The following SMG1 variants were observed in gnomAD, a reference collection of about 807,000 sequenced individuals.
The protein encoded by SMG1 is SMG1 nonsense mediated mRNA decay associated PI3K related kinase.
A neutral mutation model predicts 419.9 loss-of-function variants in SMG1; 22 were observed. The observed-to-expected ratio is 0.05, with a 90% CI of 0.04 to 0.07. The LOEUF is 0.07. Among genes scored for constraint, SMG1 ranks in the 10% least tolerant of loss-of-function variants. SMG1 has a pLI of 1.00. For synonymous variants in SMG1, 1,538 were observed against 1,553.5 expected, an observed-to-expected ratio of 0.99 and a Z score of 0.23; for missense variants, 3,185 against 4,342.0, an observed-to-expected ratio of 0.73 and a Z score of 7.49.
At chr16:18,884,293 T>G in intron 8 of SMG1, 126 bp from the exon 9 acceptor site, 1 of 486,080 alleles carries the variant, frequency 2.1e-6, no homozygotes, top group South Asian at 4.1e-5. Flanking sequence ...CCCTAAAACA[T>G]GTCCTATATC....
intron 1 of SMG1, among the ~76,000 whole-genome samples, chr16:18,924,679 A>G (rs911891391): frequency 2.0e-5 from 3 of 152,208 alleles, no homozygotes; most frequent in Non-Finnish European, 4.4e-5. Flanking sequence ...TTTTACGACT[A>G]AACATCTCAA....
At chr16:18,854,082 CTTT>C (rs11448105) in intron 30 of SMG1, among the ~76,000 whole-genome samples, 2 of 84,010 alleles carry the variant, frequency 2.4e-5, no homozygotes. Context: ...AAATACTAAA[CTTT>C]TTTTTTTTTT....
At chr16:18,873,828 A>G (rs1297821549) in intron 13 of SMG1, among the ~76,000 whole-genome samples, 14 of 152,068 alleles carry the variant, frequency 9.2e-5, no homozygotes, top group Non-Finnish European at 4.4e-5. Context: ...TTTCCTTTAC[A>G]CTGCCAAGAC....
At chr16:18,864,187 CTT>C (rs748193551) in intron 23 of SMG1, 43 bp from the exon 24 acceptor site, 33,964 of 576,860 alleles carry the variant, frequency 0.059, 122 homozygotes, top group Middle Eastern at 0.082. Context: ...TATCTACTTA[CTT>C]TTTTTTTTTT....
At chr16:18,850,185 T>G in intron 34 of SMG1, 52 bp downstream of exon 34, 1 of 1,584,320 alleles carries the variant, frequency 6.3e-7, no homozygotes, top group East Asian at 2.3e-5. Flanking sequence ...TACTTTTGTT[T>G]AATAAGAAAA....
rs779197418 is a variant in SMG1, at chr16:18,847,615, C to G, written c.5842-8G>C. The G allele has an allele frequency of 1.2e-6, 2 of 1,613,868 alleles. No individual in the cohort carries two copies. Among genetic ancestry groups the G allele is most frequent in the Non-Finnish European group, 1.7e-6 (2 of 1,179,832 alleles). On this transcript the variant is annotated splice_polypyrimidine_tract_variant and splice_region_variant and intron_variant, in intron 37 of 62. Transcript: ENST00000446231. ...AGCCACGAGCATCTGAACCTGCATA[C>G]ACAGCACACCCAAATAGCTCATCTA... is the stretch of plus-strand genomic sequence containing the variant.
intron 1 of SMG1, among the ~76,000 whole-genome samples, chr16:18,914,387 T>C (rs1169190869): frequency 6.6e-6 from 1 of 152,066 alleles, no homozygotes; most frequent in Non-Finnish European, 1.5e-5. Context: ...AGAAATCTGT[T>C]GATTCTAGGC....
At chr16:18,895,906 G>C (rs1027564184) in intron 3 of SMG1, 146 bp downstream of exon 3, 8 of 787,288 alleles carry the variant, frequency 1.0e-5, no homozygotes, top group Non-Finnish European at 1.7e-5. Context: ...CCTTTCTAGT[G>C]GGAAATGAAT....
At chr16:18,914,403 G>A (rs1414979272) in intron 1 of SMG1, among the ~76,000 whole-genome samples, 1 of 152,118 alleles carries the variant, frequency 6.6e-6, no homozygotes, top group Admixed American at 6.5e-5. Flanking sequence ...TAGGCCAGGT[G>A]TGGTGGCTCA....
intron 1 of SMG1, among the ~76,000 whole-genome samples, chr16:18,917,096 C>A (rs1457905442): frequency 6.6e-6 from 1 of 151,988 alleles, no homozygotes; most frequent in African/African-American, 2.4e-5. Context: ...GGGGCTTTTG[C>A]TTATGGAAAT....
At chr16:18,843,213 G>GA (rs1188301368) in intron 39 of SMG1, among the ~76,000 whole-genome samples, 4 of 152,112 alleles carry the variant, frequency 2.6e-5, no homozygotes, top group African/African-American at 7.2e-5. Flanking sequence ...TAAATTACAA[G>GA]AAAAAATGAG....
intron 58 of SMG1, chr16:18,816,079 T>C (rs971148222): frequency 1.8e-6 from 1 of 552,554 alleles, no homozygotes; most frequent in Non-Finnish European, 3.2e-6. Context: ...AATAAAGGAA[T>C]CTAATTAAGC....
At chr16:18,819,007 C>T (rs1315879090) in intron 56 of SMG1, among the ~76,000 whole-genome samples, 4 of 152,048 alleles carry the variant, frequency 2.6e-5, no homozygotes, top group Non-Finnish European at 5.9e-5. Flanking sequence ...TTAGCAGAGA[C>T]GGGGTTTCAC....
At chr16:18,885,815 T>A (rs974817022) in intron 6 of SMG1, 149 bp from the exon 7 acceptor site, 114 of 660,280 alleles carry the variant, frequency 1.7e-4, no homozygotes, top group Non-Finnish European at 2.2e-4. Context: ...AAAAAAAAAA[T>A]TGACTTGTAA....
Position 18,829,351 on chromosome 16 carries a change from C to T in SMG1, c.9538G>A (p.Glu3180Lys). The T allele has an allele frequency of 6.2e-7, 1 of 1,614,008 alleles. No homozygotes were observed. Among genetic ancestry groups the T allele is most frequent in the Non-Finnish European group, 8.5e-7 (1 of 1,179,898 alleles). The stretch of plus-strand genomic sequence containing the variant: ...GTCTTACAAGAAGAAATACTGGTTT[C>T]TAGCCTTCGCACCAAGTCATGCTTC... ...WKKHDLVRRLETSISSCKTSL... is the reference protein window; with the variant it reads ...WKKHDLVRRLKTSISSCKTSL... Residue 3180 changes from glutamate to lysine, a missense_variant, in exon 54 of 63, where the codon GAA (glutamate) becomes AAA (lysine). Physicochemically the swap from Glu to Lys is moderately conservative, Grantham distance 56. Transcript: ENST00000446231.
Position 18,882,159 on chromosome 16 carries a change from A to G in SMG1, c.1293+6T>C. 1 of 1,550,700 alleles carries G rather than the reference A, an allele frequency of 6.4e-7. No homozygotes were observed. The highest frequency in any genetic ancestry group is 8.7e-7 in the Non-Finnish European group (1 of 1,150,208). ...AATGACACTTGAAATGCCCAAAAGC[A>G]CTTACATCTGTTACATATGCCTCAG... On this transcript the variant is annotated splice_donor_region_variant and intron_variant, in intron 10 of 62. Transcript: ENST00000446231.
intron 1 of SMG1, among the ~76,000 whole-genome samples, chr16:18,903,830 A>G (rs1285531014): frequency 6.6e-6 from 1 of 151,846 alleles, no homozygotes; most frequent in Non-Finnish European, 1.5e-5. Context: ...CTGCACATAC[A>G]GCTTTTCTTC....
chr16:18,906,812 C>T (rs1210063095), intron 1 of SMG1, among the ~76,000 whole-genome samples: 6 of 152,168 alleles, frequency 3.9e-5, no homozygotes, highest in Non-Finnish European at 8.8e-5. Context: ...ATTTCTGCCC[C>T]ATCACTCTTG....
At chr16:18,853,892 C>T (rs367556868) in intron 30 of SMG1, 25 bp from the exon 31 acceptor site, 15 of 1,574,892 alleles carry the variant, frequency 9.5e-6, no homozygotes, top group Non-Finnish European at 1.3e-5. Context: ...AAAGTCAGAA[C>T]TTAGAACCTT....
Sources: allele counts gnomAD v4.1 joint callset (sites outside exome capture counted in the v4.1 genomes callset), GRCh38; gene constraint gnomAD v4.1.1; transcripts MANE v1.5; gene names NCBI Gene and HGNC (gene_info 2026-07-23, HGNC 2026-07-21).